CARS2: variants seen among roughly 807,000 people sequenced by gnomAD.
CARS2 encodes the protein probable cysteine--tRNA ligase, mitochondrial.
In CARS2, 52 loss-of-function variants were observed where a neutral mutation model predicts 68.8. The observed-to-expected ratio is 0.76, with a 90% CI of 0.61 to 0.95. The LOEUF is 0.95. Among genes scored for constraint, CARS2 ranks in the 40% least tolerant of loss-of-function variants. CARS2 has a pLI of 0.00. For synonymous variants in CARS2, 314 were observed against 303.6 expected, an observed-to-expected ratio of 1.03 and a Z score of -0.36; for missense variants, 780 against 754.2, an observed-to-expected ratio of 1.03 and a Z score of -0.40.
rs1476749703 is a variant in CARS2, at chr13:110,665,433, C to T, written c.919+1907G>A. The T allele has an allele frequency of 1.7e-5, 17 of 985,226 alleles. No homozygotes were observed. The highest frequency in any genetic ancestry group is 1.2e-4 in the Admixed American group (2 of 16,282). 61.0% of individuals were successfully genotyped at this position (985,226 alleles called of 1,614,324 possible). On this transcript the variant is annotated intron_variant, in intron 8 of 14. Coordinates refer to ENST00000257347, the MANE Select transcript of CARS2 (RefSeq NM_024537.4). The surrounding 1 kb of genome is among the most constrained non-coding windows in gnomAD (Gnocchi z 4.3). ...TGCACTCCCAGGCTGGGGGACGGAGCGAAATTGTTTCAACAACAACAGCAA... is the reference window on the plus strand; with the variant it reads ...TGCACTCCCAGGCTGGGGGACGGAGTGAAATTGTTTCAACAACAACAGCAA...
upstream of CARS2, among the ~76,000 whole-genome samples, chr13:110,710,437 G>A (rs185653744): frequency 2.3e-4 from 35 of 152,066 alleles, no homozygotes; most frequent in African/African-American, 6.7e-4. Context: ...TCATAGGTTT[G>A]AGCATTTTCA....
At chr13:110,655,268 C>T (rs1409083587) in intron 9 of CARS2, among the ~76,000 whole-genome samples, 5 of 152,302 alleles carry the variant, frequency 3.3e-5, no homozygotes, top group East Asian at 1.9e-4. Flanking sequence ...AATAAAATCA[C>T]GGTGCCTCCC....
intron 5 of CARS2, among the ~76,000 whole-genome samples, chr13:110,687,233 T>C (rs887645130): frequency 6.6e-6 from 1 of 152,186 alleles, no homozygotes; most frequent in Non-Finnish European, 1.5e-5. Context: ...ATTCAACCAT[T>C]TCGCAAAGAG....
At chr13:110,698,050 C>T (rs931987724) in intron 3 of CARS2, 11 of 437,918 alleles carry the variant, frequency 2.5e-5, no homozygotes, top group African/African-American at 1.8e-4. Flanking sequence ...AGCCCAAAGG[C>T]GGCCTCTGAC....
rs2062716173 is a variant in CARS2, at chr13:110,668,554, A to AAG, written c.786-1082_786-1081insCT. On this transcript the variant is annotated intron_variant, in intron 7 of 14. Transcript: ENST00000257347. The surrounding 1 kb of genome is among the most constrained non-coding windows in gnomAD (Gnocchi z 4.1). ...GAGACTCCGTCTCAAAAAAAAAAAA[A>AAG]GATTTTTACATCTTAGTGACGGGTC... Among the ~76,000 whole-genome samples, 1 of 151,494 alleles carries AAG rather than the reference A, an allele frequency of 6.6e-6. No homozygotes were observed. Among genetic ancestry groups the AAG allele is most frequent in the Non-Finnish European group, 1.5e-5 (1 of 67,818 alleles).
chr13:110,645,521 C>G (rs1211026580), intron 12 of CARS2: 1 of 152,886 alleles, frequency 6.5e-6, no homozygotes, highest in African/African-American at 2.4e-5. Context: ...CTGCCAAACA[C>G]TTGCAGTGAC....
rs374377972 is a variant in CARS2 at position 110,646,068 on chromosome 13, C to T, written c.1216G>A (p.Val406Met). 1.1e-5 allele frequency: 17 copies of T among 1,613,576 alleles called. No individual in the cohort carries two copies. The highest frequency in any genetic ancestry group is 3.3e-4 in the Middle Eastern group (2 of 6,068). ...AAATCATCTGCCAAGGCCGCCTTCA[C>T]GGCCCTCTTGGTGCTGGAGAGCCTG... is the stretch of plus-strand genomic sequence containing the variant. Reference protein sequence around the residue: ...WERLSSTKRAVKAALADDFDT... With the variant: ...WERLSSTKRAMKAALADDFDT... Residue 406 changes from valine to methionine, a missense_variant, in exon 12 of 15, where the codon GTG (valine) becomes ATG (methionine). Coordinates refer to ENST00000257347, the MANE Select transcript of CARS2 (RefSeq NM_024537.4).
rs111616844 is a variant in CARS2 at position 110,680,158 on chromosome 13, G to A, written c.655+2893C>T. 6.1e-5 allele frequency among the ~76,000 whole-genome samples: 9 copies of A among 147,294 alleles called. 1 individual carries two copies. The highest frequency in any genetic ancestry group is 3.8e-3 in the Middle Eastern group (1 of 260). On this transcript the variant is annotated intron_variant, in intron 6 of 14. Transcript: ENST00000257347. The stretch of plus-strand genomic sequence containing the variant: ...ACTTTGGGAGGCCGAGGGGGGGGGG[G>A]GGGGGGGTGGATCACCTGAGGTCAG...
chr13:110,697,307 G>C (rs1001834123), intron 3 of CARS2, among the ~76,000 whole-genome samples: 1 of 152,218 alleles, frequency 6.6e-6, no homozygotes, highest in African/African-American at 2.4e-5. Context: ...TATAGGCTGG[G>C]GGTAAGGATG....
At chr13:110,678,929 G>A (rs1352786659) in intron 6 of CARS2, among the ~76,000 whole-genome samples, 1 of 142,724 alleles carries the variant, frequency 7.0e-6, no homozygotes, top group East Asian at 2.1e-4. Flanking sequence ...GAGGAGGCAC[G>A]TGCATGGGAA....
intron 12 of CARS2, chr13:110,644,858 C>A: frequency 4.6e-6 from 1 of 218,304 alleles, no homozygotes; most frequent in Non-Finnish European, 9.5e-6. Context: ...CATCAGTTAC[C>A]AAGCACAGAG....
upstream of CARS2, chr13:110,706,343 G>GC (rs1255808676): frequency 3.5e-6 from 1 of 287,318 alleles, no homozygotes; most frequent in African/African-American, 2.2e-5. Flanking sequence ...GCGGTGCCGC[G>GC]CCGGGAGGCC....
At chr13:110,666,278 A>G in intron 8 of CARS2, 1 of 985,380 alleles carries the variant, frequency 1.0e-6, no homozygotes, top group East Asian at 1.1e-4. Flanking sequence ...TTCTGATTAG[A>G]AACTCCACCG....
At chr13:110,692,009 T>A (rs1482503384) in intron 3 of CARS2, among the ~76,000 whole-genome samples, 160 of 56,316 alleles carry the variant, frequency 2.8e-3, no homozygotes, top group African/African-American at 7.4e-3. Context: ...AAAAAATATA[T>A]ATATATATAT....
intron 3 of CARS2, among the ~76,000 whole-genome samples, chr13:110,695,934 C>A (rs2063611770): frequency 6.6e-6 from 1 of 152,112 alleles, no homozygotes; most frequent in Non-Finnish European, 1.5e-5. Context: ...CCTAGCCCCC[C>A]AACCCCTGAC....
At chr13:110,663,339 G>A (rs2139747749) in intron 9 of CARS2, 112 bp downstream of exon 9, 2 of 1,074,460 alleles carry the variant, frequency 1.9e-6, no homozygotes, top group East Asian at 2.6e-5. Context: ...TAAGAAAGGG[G>A]CCAGAGGGCA....
At chr13:110,673,051 C>T (rs1489971496) in intron 7 of CARS2, among the ~76,000 whole-genome samples, 1 of 152,134 alleles carries the variant, frequency 6.6e-6, no homozygotes, top group Non-Finnish European at 1.5e-5. Context: ...CAATAACAGG[C>T]TCTGAAATTA....
Position 110,644,541 on chromosome 13 carries a change from A to G in CARS2, c.1318-58T>C, listed in dbSNP as rs145258279. The G allele has an allele frequency of 1.4e-4, 222 of 1,601,710 alleles. 1 individual carries two copies. In the East Asian group the frequency reaches 4.9e-3, roughly 35 times the overall value. On this transcript the variant is annotated intron_variant, in intron 12 of 14. Transcript: ENST00000257347. ...AAGCAGTCTTGATGGCAGTGGGCAA[A>G]CGGAATTCAATGTCAAAAGACAAAG...
At chr13:110,671,110 G>A (rs561607630) in intron 7 of CARS2, among the ~76,000 whole-genome samples, 4 of 152,134 alleles carry the variant, frequency 2.6e-5, no homozygotes, top group Admixed American at 6.5e-5. Context: ...AAAGTGACAG[G>A]GAGAATGGAA....
Sources: allele counts gnomAD v4.1 joint callset (sites outside exome capture counted in the v4.1 genomes callset), GRCh38; gene constraint gnomAD v4.1.1; non-coding constraint Gnocchi (gnomAD v3.1); transcripts MANE v1.5; gene names NCBI Gene and HGNC (gene_info 2026-07-23, HGNC 2026-07-21).